Variants in GABRB1 observed in about 807,000 individuals in gnomAD.
GABRB1 encodes the protein gamma-aminobutyric acid receptor subunit beta-1.
In GABRB1, 17 loss-of-function variants were observed where a neutral mutation model predicts 51.6. That is an observed-to-expected ratio of 0.33 (90% CI 0.23 to 0.49). GABRB1 has a LOEUF of 0.49. Among genes scored for constraint, GABRB1 ranks in the 20% least tolerant of loss-of-function variants. The pLI, the probability that GABRB1 is intolerant of heterozygous loss-of-function variation, is 0.99. For synonymous variants in GABRB1, 247 were observed against 218.9 expected, an observed-to-expected ratio of 1.13 and a Z score of -1.14; for missense variants, 410 against 600.6, an observed-to-expected ratio of 0.68 and a Z score of 3.32.
chr4:47,226,666 C>G (rs1337420226), intron 4 of GABRB1, among the ~76,000 whole-genome samples: 6 of 152,094 alleles, frequency 3.9e-5, no homozygotes, highest in Admixed American at 1.3e-4. Flanking sequence ...TTGAGGACTA[C>G]CTTTCTTCTT....
intron 3 of GABRB1, among the ~76,000 whole-genome samples, chr4:47,076,968 C>A (rs1012648915): frequency 2.6e-5 from 4 of 152,174 alleles, no homozygotes; most frequent in Non-Finnish European, 5.9e-5. Context: ...GGTTAACAAC[C>A]TCTCATGTCA....
chr4:47,004,204 G>T (rs1013056057), intron 1 of GABRB1, among the ~76,000 whole-genome samples: 3 of 152,108 alleles, frequency 2.0e-5, no homozygotes, highest in Non-Finnish European at 4.4e-5. Flanking sequence ...GGCCAGGTTG[G>T]TCTCGATCTC....
chr4:47,038,747 A>T (rs941031503), intron 3 of GABRB1, among the ~76,000 whole-genome samples: 4 of 152,230 alleles, frequency 2.6e-5, no homozygotes, highest in African/African-American at 9.6e-5. Context: ...ACACAAATGA[A>T]ATCTTGCATT....
At chr4:47,049,730 T>C (rs1301552820) in intron 3 of GABRB1, among the ~76,000 whole-genome samples, 1 of 152,194 alleles carries the variant, frequency 6.6e-6, no homozygotes, top group Non-Finnish European at 1.5e-5. Context: ...AGCTTGATTC[T>C]ACAGAAACAA....
At chr4:47,062,301 T>C (rs945783387) in intron 3 of GABRB1, among the ~76,000 whole-genome samples, 1 of 136,970 alleles carries the variant, frequency 7.3e-6, no homozygotes, top group Non-Finnish European at 1.6e-5. Context: ...AAGCAATGTC[T>C]TTTTTTTTTT....
chr4:47,256,451 C>T (rs905033901), intron 4 of GABRB1, among the ~76,000 whole-genome samples: 11 of 152,078 alleles, frequency 7.2e-5, no homozygotes, highest in Non-Finnish European at 8.8e-5. Flanking sequence ...GCATTTAATC[C>T]CTGTTTTGTA....
At chr4:47,307,563 C>T (rs190789167) in intron 4 of GABRB1, among the ~76,000 whole-genome samples, 37 of 151,844 alleles carry the variant, frequency 2.4e-4, no homozygotes, top group African/African-American at 8.7e-4. Context: ...TAACTTATAC[C>T]TCCTTCCAAA....
At chr4:47,120,908 C>T (rs759260235) in intron 3 of GABRB1, among the ~76,000 whole-genome samples, 26 of 152,134 alleles carry the variant, frequency 1.7e-4, no homozygotes, top group Non-Finnish European at 3.2e-4. Context: ...GGAGACTTTT[C>T]GGATCTATGA....
chr4:47,338,188 C>T (rs1458942051), intron 5 of GABRB1, among the ~76,000 whole-genome samples: 2 of 152,202 alleles, frequency 1.3e-5, no homozygotes, highest in African/African-American at 2.4e-5. Flanking sequence ...GCTCTCTTCT[C>T]CTTTGCTCTG....
At chr4:47,019,286 T>C (rs1333927999) in intron 1 of GABRB1, among the ~76,000 whole-genome samples, 1 of 152,192 alleles carries the variant, frequency 6.6e-6, no homozygotes, top group Non-Finnish European at 1.5e-5. Context: ...TTTCTACCTG[T>C]TTCTTCTTTG....
chr4:47,247,399 A>G (rs1416332048), intron 4 of GABRB1, among the ~76,000 whole-genome samples: 1 of 152,078 alleles, frequency 6.6e-6, no homozygotes, highest in Non-Finnish European at 1.5e-5. Context: ...TTATACCAGT[A>G]CCATGCTGTT....
chr4:47,360,139 C>T (rs1256711191), intron 5 of GABRB1, among the ~76,000 whole-genome samples: 1 of 150,918 alleles, frequency 6.6e-6, no homozygotes, highest in African/African-American at 2.4e-5. Context: ...AAAAGATAAA[C>T]AGACCCAGCA....
chr4:47,098,341 T>C (rs1266745501), intron 3 of GABRB1, among the ~76,000 whole-genome samples: 1 of 152,154 alleles, frequency 6.6e-6, no homozygotes, highest in Non-Finnish European at 1.5e-5. Context: ...TGATTCAGTG[T>C]ACCTAGTTTA....
intron 3 of GABRB1, among the ~76,000 whole-genome samples, chr4:47,147,141 T>C (rs1348185318): frequency 2.0e-5 from 3 of 152,076 alleles, no homozygotes; most frequent in Admixed American, 1.3e-4. Flanking sequence ...TTACATCTTA[T>C]CCTTTACCAT....
At chr4:47,133,901 C>G (rs574954417) in intron 3 of GABRB1, among the ~76,000 whole-genome samples, 1 of 152,212 alleles carries the variant, frequency 6.6e-6, no homozygotes, top group African/African-American at 2.4e-5. Flanking sequence ...TTTAAATATC[C>G]TATTCCTCAT....
intron 4 of GABRB1, among the ~76,000 whole-genome samples, chr4:47,172,368 C>G (rs865977613): frequency 2.0e-5 from 3 of 152,036 alleles, no homozygotes; most frequent in Non-Finnish European, 4.4e-5. Flanking sequence ...AAAAAGTAAT[C>G]GAACAACAAG....
At chr4:47,081,951 T>A (rs2109568521) in intron 3 of GABRB1, among the ~76,000 whole-genome samples, 1 of 152,214 alleles carries the variant, frequency 6.6e-6, no homozygotes, top group East Asian at 1.9e-4. Context: ...AGAGATGGAA[T>A]GTTTTCTTGC....
chr4:47,124,004 T>C (rs1476265534), intron 3 of GABRB1, among the ~76,000 whole-genome samples: 1 of 131,948 alleles, frequency 7.6e-6, no homozygotes, highest in East Asian at 2.1e-4. Flanking sequence ...TGCATATATA[T>C]ATAATCTTGC....
upstream of GABRB1, among the ~76,000 whole-genome samples, chr4:47,030,700 T>TC (rs1165627872): frequency 2.6e-5 from 4 of 152,216 alleles, no homozygotes; most frequent in Non-Finnish European, 5.9e-5. Flanking sequence ...CAATACTTGC[T>TC]CCTGCAGAAT....
Sources: allele counts gnomAD v4.1 joint callset (sites outside exome capture counted in the v4.1 genomes callset), GRCh38; gene constraint gnomAD v4.1.1; transcripts MANE v1.5; gene names NCBI Gene and HGNC (gene_info 2026-07-23, HGNC 2026-07-21).